The following CIBAR2 variants were observed in gnomAD, a reference collection of about 807,000 sequenced individuals.
CIBAR2 encodes the protein CBY1-interacting BAR domain-containing protein 2.
A neutral mutation model predicts 36.2 loss-of-function variants in CIBAR2; 38 were observed. The observed-to-expected ratio is 1.05, with a 90% confidence interval of 0.81 to 1.38. The LOEUF is 1.38. Among genes scored for constraint, CIBAR2 ranks in the 40% most tolerant of loss-of-function variants. CIBAR2 has a pLI of 0.00. For synonymous variants in CIBAR2, 182 were observed against 149.5 expected (o/e 1.22, Z -1.58); for missense variants, 481 against 383.4 (o/e 1.25, Z -2.13).
chr16:85,112,123 C>T (rs993294808), intron 1 of CIBAR2, among the ~76,000 whole-genome samples: 3 of 152,296 alleles, frequency 2.0e-5, no homozygotes, highest in Admixed American at 6.5e-5. Flanking sequence ...GAGAAGCAGA[C>T]GGAGGCCAGA....
At chr16:85,108,196 C>G in intron 2 of CIBAR2, 97 bp from the exon 3 acceptor site, 3 of 1,184,010 alleles carry the variant, frequency 2.5e-6, no homozygotes, top group South Asian at 1.5e-5. Context: ...AGCCGCGTGT[C>G]CAGAGCTGTG....
At position 85,110,519 on chromosome 16, in the gene CIBAR2, C is replaced by G. The variant is rs1367997939; in HGVS notation, c.21-59G>C. 5 of 1,315,204 alleles carry G rather than the reference C, an allele frequency of 3.8e-6. No homozygotes were observed. The East Asian group carries it at 1.2e-4, about 31-fold the overall frequency. The allele number at this position is 1,315,204 out of a possible 1,614,324, so 81.5% of individuals were successfully genotyped here. ...GCAGAGATGCAGGGCCCCGGTCATG[C>G]CAAGAGCAGACAATAGCTATGAAAA... On this transcript the variant is annotated intron_variant, in intron 1 of 8. Coordinates refer to ENST00000539556, the MANE Select transcript of CIBAR2 (RefSeq NM_198491.3).
At chr16:85,103,601 C>T (rs1484137360) in intron 6 of CIBAR2, among the ~76,000 whole-genome samples, 1 of 152,266 alleles carries the variant, frequency 6.6e-6, no homozygotes, top group African/African-American at 2.4e-5. Context: ...CACCCAGCCC[C>T]AGACACATCA....
chr16:85,105,608 A>C (rs2073990078), intron 5 of CIBAR2, among the ~76,000 whole-genome samples, 177 bp from the exon 6 acceptor site: 1 of 152,202 alleles, frequency 6.6e-6, no homozygotes, highest in Admixed American at 6.5e-5. Context: ...CGGCTGAAGG[A>C]GCAGTCACTG....
chr16:85,112,113 G>C (rs2074047362), intron 1 of CIBAR2, among the ~76,000 whole-genome samples: 1 of 152,224 alleles, frequency 6.6e-6, no homozygotes, highest in South Asian at 2.1e-4. Flanking sequence ...AGCGATGCTG[G>C]AGAAGCAGAC....
intron 2 of CIBAR2, among the ~76,000 whole-genome samples, chr16:85,109,840 G>C (rs1317510533): frequency 6.6e-6 from 1 of 152,214 alleles, no homozygotes; most frequent in East Asian, 1.9e-4. Context: ...TTCTGGGCTG[G>C]CAGGAATTTC....
At chr16:85,105,291 C>A in intron 6 of CIBAR2, 36 bp downstream of exon 6, 1 of 1,354,964 alleles carries the variant, frequency 7.4e-7, no homozygotes, top group Non-Finnish European at 1.1e-6. Context: ...CACAAGGCAG[C>A]CCAGGGCGCC....
intron 5 of CIBAR2, among the ~76,000 whole-genome samples, chr16:85,106,738 G>A (rs554177842): frequency 3.3e-5 from 5 of 152,188 alleles, no homozygotes; most frequent in Admixed American, 1.3e-4. Flanking sequence ...GTGAGAGTCC[G>A]TCGTCATTTT....
rs2074012594 is a variant in CIBAR2, at chr16:85,108,175, C to T, written c.256-76G>A. 7.8e-6 allele frequency: 11 copies of T among 1,407,524 alleles called. No homozygotes were observed. In the South Asian group the frequency reaches 7.9e-5, roughly 10 times the overall value. 87.2% of individuals were successfully genotyped at this position (1,407,524 alleles called of 1,614,324 possible). On this transcript the variant is annotated intron_variant, in intron 2 of 8. Coordinates refer to ENST00000539556, the MANE Select transcript of CIBAR2 (RefSeq NM_198491.3). ...CCAGCCTGGGCATATAAAGCAGAGC[C>T]GGCACCCGGGAGCCGCGTGTCCAGA...
At chr16:85,104,471 G>A (rs1169378752) in intron 6 of CIBAR2, among the ~76,000 whole-genome samples, 1 of 152,226 alleles carries the variant, frequency 6.6e-6, no homozygotes, top group Non-Finnish European at 1.5e-5. Context: ...ACTTTAGGAG[G>A]CCAAGGTGGG....
intron 6 of CIBAR2, among the ~76,000 whole-genome samples, chr16:85,105,026 G>A (rs1047126007): frequency 6.6e-6 from 1 of 152,232 alleles, no homozygotes; most frequent in Admixed American, 6.5e-5. Flanking sequence ...AGGAAGTGGG[G>A]AGTGTGTGTG....
chr16:85,107,710 G>A, intron 4 of CIBAR2, 38 bp from the exon 5 acceptor site: 1 of 1,613,736 alleles, frequency 6.2e-7, no homozygotes, highest in South Asian at 1.1e-5. Flanking sequence ...GTTAAGCCCA[G>A]GCAGCCCCGT....
chr16:85,104,893 G>C (rs544721762), intron 6 of CIBAR2, among the ~76,000 whole-genome samples: 3 of 152,284 alleles, frequency 2.0e-5, no homozygotes, highest in Non-Finnish European at 2.9e-5. Flanking sequence ...TGGTGCTGGG[G>C]TGGGGATCTG....
intron 6 of CIBAR2, among the ~76,000 whole-genome samples, chr16:85,103,914 C>G (rs2073974754): frequency 6.6e-6 from 1 of 152,242 alleles, no homozygotes; most frequent in East Asian, 1.9e-4. Flanking sequence ...CCACAAACCA[C>G]ATGATCCGTC....
rs1010447986 is a variant in CIBAR2, at chr16:85,112,376, C to T, written c.-24G>A. ...ATTGTGACCAGAGCTTTGGCTGTCC[C>T]GGTGCTGGGGAATAAGGACAGGGCC... On this transcript the variant is annotated 5_prime_UTR_variant, in exon 1 of 9. Transcript: ENST00000539556. The T allele has an allele frequency of 1.5e-5, 25 of 1,613,126 alleles. No individual in the cohort carries two copies. Among genetic ancestry groups the T allele is most frequent in the African/African-American group, 9.3e-5 (7 of 75,020 alleles).
intron 5 of CIBAR2, among the ~76,000 whole-genome samples, chr16:85,106,633 C>T (rs781586978): frequency 5.3e-5 from 8 of 152,152 alleles, no homozygotes; most frequent in African/African-American, 1.2e-4. Context: ...AAGGCGAGGG[C>T]GCAGACTCTC....
intron 2 of CIBAR2, among the ~76,000 whole-genome samples, chr16:85,108,702 G>T (rs1302746385): frequency 1.3e-5 from 2 of 151,736 alleles, no homozygotes; most frequent in Admixed American, 1.3e-4. Flanking sequence ...GTGAAACCCC[G>T]TCTCTACTAA....
Position 85,109,150 on chromosome 16 carries a change from C to T in CIBAR2, c.256-1051G>A, listed in dbSNP as rs2074020954. On this transcript the variant is annotated intron_variant, in intron 2 of 8. Coordinates refer to ENST00000539556, the MANE Select transcript of CIBAR2 (RefSeq NM_198491.3). ...ACTAGGCCAGGCATGGTGGCTCATG[C>T]CTGTAATCCCAGCACTTTGGGTGGC... is the stretch of plus-strand genomic sequence containing the variant. 4.6e-5 allele frequency among the ~76,000 whole-genome samples: 7 copies of T among 152,066 alleles called. No homozygotes were observed. In the South Asian group the frequency reaches 1.5e-3, roughly 32 times the overall value.
In CIBAR2 at chr16:85,099,247, G is replaced by A. The variant is rs780458876; in HGVS notation, c.853C>T (p.Gln285Ter). 1 of 1,612,412 alleles carries A rather than the reference G, an allele frequency of 6.2e-7. No individual in the cohort carries two copies. The highest frequency in any genetic ancestry group is 8.5e-7 in the Non-Finnish European group (1 of 1,179,302). Residue 285 changes from glutamine (Q) to a stop codon, truncating the protein, a stop_gained, in exon 9 of 9, where the codon CAG (glutamine) becomes TAG (stop). Transcript: ENST00000539556. LOFTEE classifies it low-confidence loss of function (END_TRUNC). ...TGCCCACACACACAGTGGGCTGGCT[G>A]CCCCTTAACCACCCACTCACAGAGA... is the stretch of plus-strand genomic sequence containing the variant. ...FSLCEWVVKG[Q>*]PAHCVCGQGG...
Sources: gnomAD v4.1 joint callset for allele counts (sites outside exome capture counted in the v4.1 genomes callset) on GRCh38, gnomAD v4.1.1 for gene constraint, MANE v1.5 for transcripts, NCBI Gene and HGNC (gene_info 2026-07-23, HGNC 2026-07-21) for gene names.